CADPS2: variants seen among roughly 807,000 people sequenced by gnomAD.
CADPS2 encodes calcium dependent secretion activator 2, also known as calcium-dependent secretion activator 2.
Under a neutral mutation model 172.5 loss-of-function variants are expected in CADPS2, and 93 were observed. The observed-to-expected ratio is 0.54, with a 90% CI of 0.46 to 0.64. The LOEUF is 0.64. CADPS2 is among the 30% of genes least tolerant of loss of function. CADPS2 has a pLI of 0.00. For missense variants in CADPS2, 1,420 were observed against 1,565.9 expected (o/e 0.91, Z 1.57); for synonymous variants, 546 against 555.2 (o/e 0.98, Z 0.23).
intron 8 of CADPS2, among the ~76,000 whole-genome samples, chr7:122,539,886 T>C (rs544899331): frequency 6.6e-6 from 1 of 151,940 alleles, no homozygotes; most frequent in Non-Finnish European, 1.5e-5. Context: ...AAGAAAAACA[T>C]TTTTTCACCT....
chr7:122,623,683 C>T (rs761853411), intron 4 of CADPS2, among the ~76,000 whole-genome samples: 5 of 152,090 alleles, frequency 3.3e-5, no homozygotes, highest in African/African-American at 4.8e-5. Flanking sequence ...TTCTCATATG[C>T]TCTTTGGTCT....
chr7:122,836,771 C>T (rs1808587894), intron 1 of CADPS2, among the ~76,000 whole-genome samples: 1 of 152,136 alleles, frequency 6.6e-6, no homozygotes, highest in Non-Finnish European at 1.5e-5. Context: ...CACCCAGATT[C>T]ATAAAGCAAG....
At chr7:122,404,782 A>G (rs1034993450) in intron 20 of CADPS2, among the ~76,000 whole-genome samples, 1 of 152,328 alleles carries the variant, frequency 6.6e-6, no homozygotes, top group Middle Eastern at 3.4e-3. Context: ...ACATCTAAGT[A>G]TGTTTGATTC....
intron 20 of CADPS2, among the ~76,000 whole-genome samples, chr7:122,394,695 AGGGAG>A (rs2044827234): frequency 6.6e-6 from 1 of 150,528 alleles, no homozygotes; most frequent in African/African-American, 2.5e-5. Flanking sequence ...CAATAGACTG[AGGGAG>A]GGGGAGGGGC....
intron 14 of CADPS2, among the ~76,000 whole-genome samples, chr7:122,458,102 C>T (rs374303898): frequency 1.2e-4 from 19 of 152,194 alleles, no homozygotes; most frequent in African/African-American, 1.7e-4. Flanking sequence ...GCTTCTGCTA[C>T]GAGGAATGAG....
chr7:122,753,238 C>T lies in CADPS2; in HGVS notation c.340-16170G>A, dbSNP rs1395839158. Among the ~76,000 whole-genome samples, 14 of 152,312 alleles carry T rather than the reference C, an allele frequency of 9.2e-5. No homozygotes were observed. In the East Asian group the frequency reaches 2.5e-3, roughly 27 times the overall value. Reference sequence around the variant, plus strand: ...GGAAAAAGAGATGCATTTTATGCTACATACACATGGAGCACAGAAATTCAT... The same window carrying T: ...GGAAAAAGAGATGCATTTTATGCTATATACACATGGAGCACAGAAATTCAT... On this transcript the variant is annotated intron_variant, in intron 1 of 29. Coordinates refer to ENST00000449022, the MANE Select transcript of CADPS2 (RefSeq NM_017954.11).
chr7:122,625,139 C>T (rs936054658), intron 4 of CADPS2, among the ~76,000 whole-genome samples: 6 of 151,944 alleles, frequency 3.9e-5, no homozygotes, highest in African/African-American at 1.5e-4. Context: ...CAACCTCCGC[C>T]TCCCAGTTTC....
chr7:122,762,172 T>C (rs757250164), intron 1 of CADPS2, among the ~76,000 whole-genome samples: 1 of 151,180 alleles, frequency 6.6e-6, no homozygotes, highest in African/African-American at 2.4e-5. Context: ...CGTTGGAAGA[T>C]AAAGTTCAAG....
chr7:122,860,579 C>A (rs908297414), intron 1 of CADPS2, among the ~76,000 whole-genome samples: 1 of 151,732 alleles, frequency 6.6e-6, no homozygotes. Flanking sequence ...CATTTTAGAA[C>A]CCCCAAGGAT....
At chr7:122,818,706 T>C (rs1802240281) in intron 1 of CADPS2, among the ~76,000 whole-genome samples, 2 of 152,184 alleles carry the variant, frequency 1.3e-5, no homozygotes, top group Non-Finnish European at 2.9e-5. Context: ...CTTACAGTTT[T>C]GTTCCCTGAC....
intron 11 of CADPS2, among the ~76,000 whole-genome samples, chr7:122,481,488 C>G (rs776618272): frequency 1.3e-5 from 2 of 151,972 alleles, no homozygotes; most frequent in Non-Finnish European, 2.9e-5. Context: ...TGCCTGTAAT[C>G]CCAGCACTTC....
At chr7:122,505,997 C>T (rs868405627) in intron 9 of CADPS2, among the ~76,000 whole-genome samples, 3 of 152,114 alleles carry the variant, frequency 2.0e-5, no homozygotes, top group Non-Finnish European at 4.4e-5. Context: ...TACCAGTTCA[C>T]GGGTAATCTG....
intron 1 of CADPS2, among the ~76,000 whole-genome samples, chr7:122,745,978 C>G (rs1325002986): frequency 6.6e-6 from 1 of 152,106 alleles, no homozygotes; most frequent in Non-Finnish European, 1.5e-5. Context: ...CAAGATTCCC[C>G]TACAAGTTGT....
At position 122,625,238 on chromosome 7, in the gene CADPS2, C is replaced by G. The variant is rs905589720; in HGVS notation, c.868-3521G>C. Among the ~76,000 whole-genome samples, 3 of 151,722 alleles carry G rather than the reference C, an allele frequency of 2.0e-5. No homozygotes were observed. The South Asian group carries it at 6.2e-4, about 32-fold the overall frequency. On this transcript the variant is annotated intron_variant, in intron 4 of 29. Transcript: ENST00000449022. The stretch of plus-strand genomic sequence containing the variant: ...GCTAATTTTGTATTTTTAGTAGAGA[C>G]GGGGTTTCTCCATGTTGGTCAGGCT...
At chr7:122,339,726 A>G (rs1280859094) in intron 28 of CADPS2, among the ~76,000 whole-genome samples, 1 of 152,150 alleles carries the variant, frequency 6.6e-6, no homozygotes, top group Non-Finnish European at 1.5e-5. Flanking sequence ...GTTTCTACTA[A>G]AAATACAAAA....
intron 9 of CADPS2, among the ~76,000 whole-genome samples, chr7:122,506,814 A>G (rs1233623243): frequency 6.6e-6 from 1 of 152,110 alleles, no homozygotes; most frequent in Non-Finnish European, 1.5e-5. Context: ...GATAGATTGG[A>G]CAGGAATATT....
At chr7:122,367,435 A>G (rs1456945765) in intron 25 of CADPS2, among the ~76,000 whole-genome samples, 1 of 151,552 alleles carries the variant, frequency 6.6e-6, no homozygotes, top group African/African-American at 2.4e-5. Context: ...ATGATCTTTT[A>G]ATTCATACCC....
intron 17 of CADPS2, among the ~76,000 whole-genome samples, chr7:122,428,820 G>T (rs868201872): frequency 6.6e-6 from 1 of 152,030 alleles, no homozygotes; most frequent in Admixed American, 6.6e-5. Context: ...TTTGCCTAAA[G>T]AACTTTTGCA....
At chr7:122,421,687 T>C (rs1229033176) in intron 17 of CADPS2, among the ~76,000 whole-genome samples, 2 of 152,200 alleles carry the variant, frequency 1.3e-5, no homozygotes, top group Admixed American at 6.5e-5. Context: ...TAAGGTAGAA[T>C]ATGGCAACCT....
Sources: gnomAD v4.1 joint callset for allele counts (sites outside exome capture counted in the v4.1 genomes callset) on GRCh38, gnomAD v4.1.1 for gene constraint, MANE v1.5 for transcripts, NCBI Gene and HGNC (gene_info 2026-07-23, HGNC 2026-07-21) for gene names.